The following NCOR2 variants were observed in gnomAD, a reference collection of about 807,000 sequenced individuals.
NCOR2 encodes nuclear receptor corepressor 2, also known as CTG repeat protein 26.
In NCOR2, 81 loss-of-function variants were observed where a neutral mutation model predicts 262.9. That is an observed-to-expected ratio of 0.31 (90% CI 0.26 to 0.37). The LOEUF is 0.37. NCOR2 is among the 10% of genes least tolerant of loss of function. The pLI, the probability that NCOR2 is intolerant of heterozygous loss-of-function variation, is 1.00. For synonymous variants in NCOR2, 1,659 were observed against 1,559.3 expected, an observed-to-expected ratio of 1.06 and a Z score of -1.51; for missense variants, 3,385 against 3,621.4, an observed-to-expected ratio of 0.93 and a Z score of 1.68.
intron 20 of NCOR2, among the ~76,000 whole-genome samples, chr12:124,370,622 G>A (rs562990510): frequency 3.7e-4 from 57 of 152,336 alleles, no homozygotes; most frequent in Admixed American, 2.6e-4. Flanking sequence ...CAGTCTCCGC[G>A]GGTCTGCCCT....
At chr12:124,511,120 T>C (rs1008599707) in intron 1 of NCOR2, among the ~76,000 whole-genome samples, 2 of 152,162 alleles carry the variant, frequency 1.3e-5, no homozygotes, top group Non-Finnish European at 2.9e-5. Flanking sequence ...AAAGACCAGT[T>C]TGCAAACAGA....
chr12:124,434,727 G>A (rs1033332516), intron 8 of NCOR2, among the ~76,000 whole-genome samples: 2 of 152,216 alleles, frequency 1.3e-5, no homozygotes, highest in African/African-American at 4.8e-5. Flanking sequence ...AGGTGAAAAT[G>A]AGAGGATTTC....
At chr12:124,346,763 G>T in exon 31 of NCOR2, 1 of 1,557,536 alleles carries the variant, frequency 6.4e-7, no homozygotes. Flanking sequence ...TGAGGGCGGT[G>T]GGGGCGGAGG....
intron 32 of NCOR2, 76 bp from the exon 35 acceptor site, chr12:124,343,302 C>T (rs745444325): frequency 4.2e-5 from 53 of 1,269,740 alleles, no homozygotes; most frequent in African/African-American, 1.0e-4. Context: ...ATAGGGACCT[C>T]GGGATCCCAA....
chr12:124,373,138 G>C (rs527971492), intron 19 of NCOR2, among the ~76,000 whole-genome samples: 1 of 152,378 alleles, frequency 6.6e-6, no homozygotes, highest in Admixed American at 6.5e-5. Flanking sequence ...CCTGGTGACT[G>C]CCTGCTGCTG....
chr12:124,385,698 C>T lies in NCOR2; in HGVS notation c.2019+47G>A, dbSNP rs762282384. ...ACATCTCCTGAGGCAGTCTGGGCTC[C>T]TCTCCCAGCTTCCCAGAGGCGCGGT... On this transcript the variant is annotated intron_variant, in intron 17 of 46. Coordinates refer to ENST00000405201, the Ensembl canonical transcript of NCOR2. 17 of 1,603,534 alleles carry T rather than the reference C, an allele frequency of 1.1e-5. No individual in the cohort carries two copies. In the South Asian group the frequency reaches 1.6e-4, roughly 15 times the overall value.
At position 124,483,507 on chromosome 12, in the gene NCOR2, T is replaced by C; in HGVS notation, c.411+89A>G. The C allele has an allele frequency of 1.6e-6, 2 of 1,261,274 alleles. No homozygotes were observed. Among genetic ancestry groups the C allele is most frequent in the Non-Finnish European group, 2.1e-6 (2 of 950,938 alleles). 78.1% of individuals were successfully genotyped at this position (1,261,274 alleles called of 1,614,324 possible). A position where few individuals can be genotyped will look rare whatever the true frequency, so the allele number is the denominator to read the frequency against. Reference sequence around the variant, plus strand: ...GCCTTTGCCCGAGCTGCCCCCTCCCTGCACCCCTACCCACCACCTCCCACC... The same window carrying C: ...GCCTTTGCCCGAGCTGCCCCCTCCCCGCACCCCTACCCACCACCTCCCACC... On this transcript the variant is annotated intron_variant, in intron 3 of 46. Coordinates refer to ENST00000405201, the Ensembl canonical transcript of NCOR2. This position sits in a 1 kb window ranked among gnomAD's most constrained non-coding sequence, Gnocchi z 6.3.
At chr12:124,525,899 A>G (rs1260207178) in intron 1 of NCOR2, among the ~76,000 whole-genome samples, 1 of 152,214 alleles carries the variant, frequency 6.6e-6, no homozygotes, top group Non-Finnish European at 1.5e-5. Context: ...AATAGCACCT[A>G]CTTTCTAAGG....
chr12:124,522,310 A>T (rs992097116), intron 1 of NCOR2, among the ~76,000 whole-genome samples: 2 of 152,228 alleles, frequency 1.3e-5, no homozygotes, highest in African/African-American at 4.8e-5. Context: ...GCTATAACAA[A>T]TTATTACAAA....
At chr12:124,524,151 G>C (rs1469222781) in intron 1 of NCOR2, among the ~76,000 whole-genome samples, 1 of 152,232 alleles carries the variant, frequency 6.6e-6, no homozygotes, top group African/African-American at 2.4e-5. Flanking sequence ...GTGACAGCCA[G>C]TTGTGGCCAT....
rs1331177672 is a variant in NCOR2 at position 124,549,330 on chromosome 12, C to T, written c.-164-13719G>A. On this transcript the variant is annotated intron_variant, in intron 1 of 32. Transcript: ENST00000458234. This position sits in a 1 kb window ranked among gnomAD's most constrained non-coding sequence, Gnocchi z 4.4. Reference sequence around the variant, plus strand: ...TAAAATCCCACACTCCCCGCTTGGCCGGGTGGCCCACTGCCCGTCTGGCTT... The same window carrying T: ...TAAAATCCCACACTCCCCGCTTGGCTGGGTGGCCCACTGCCCGTCTGGCTT... 1.3e-5 allele frequency among the ~76,000 whole-genome samples: 2 copies of T among 152,152 alleles called. No homozygotes were observed. Among genetic ancestry groups the T allele is most frequent in the Admixed American group, 1.3e-4 (2 of 15,272 alleles).
At chr12:124,473,923 C>T (rs1001905108) in intron 3 of NCOR2, among the ~76,000 whole-genome samples, 1 of 152,206 alleles carries the variant, frequency 6.6e-6, no homozygotes, top group Non-Finnish European at 1.5e-5. Flanking sequence ...GATCCCATTC[C>T]CATCCCAGCC....
intron 16 of NCOR2, among the ~76,000 whole-genome samples, chr12:124,386,690 C>T (rs1379749878): frequency 1.3e-5 from 2 of 152,184 alleles, no homozygotes; most frequent in Non-Finnish European, 2.9e-5. Context: ...GAGCATGCCG[C>T]CCCCCAGGTT....
intron 38 of NCOR2, chr12:124,336,435 A>T: frequency 7.2e-6 from 2 of 278,118 alleles, no homozygotes; most frequent in Non-Finnish European, 1.3e-5. Context: ...TGGTAAAATG[A>T]TGTGCAAATG....
intron 4 of NCOR2, among the ~76,000 whole-genome samples, chr12:124,466,568 C>T (rs957801818): frequency 1.3e-5 from 2 of 152,144 alleles, no homozygotes; most frequent in African/African-American, 2.4e-5. Flanking sequence ...ACCCTGCTAG[C>T]CCTCAGTTGC....
intron 21 of NCOR2, 28 bp from the exon 24 acceptor site, chr12:124,362,325 TCA>T (rs768447021): frequency 7.5e-7 from 1 of 1,331,876 alleles, no homozygotes; most frequent in South Asian, 2.6e-5. Flanking sequence ...AAGTGAGCAT[TCA>T]CAGAGGGTGT....
chr12:124,372,264 T>C, exon 20 of NCOR2: 1 of 1,578,194 alleles, frequency 6.3e-7, no homozygotes, highest in Non-Finnish European at 8.6e-7. Context: ...CGGCCTTCCC[T>C]GTGTCCACTG....
rs2044979997 is a variant in NCOR2, at chr12:124,443,861, A to C, written c.816-5865T>G. Among the ~76,000 whole-genome samples the C allele has an allele frequency of 6.6e-6, 1 of 152,084 alleles. No homozygotes were observed. The highest frequency in any genetic ancestry group is 1.5e-5 in the Non-Finnish European group (1 of 68,010). ...TGAAAACCAGAGGCTGTTACACAAA[A>C]AGCCAAACCTAAAGCTTCTCTTGAA... On this transcript the variant is annotated intron_variant, in intron 7 of 46. Coordinates refer to ENST00000405201, the Ensembl canonical transcript of NCOR2. The surrounding 1 kb of genome is among the most constrained non-coding windows in gnomAD (Gnocchi z 4.4).
At chr12:124,559,600 G>A (rs370331043) in intron 1 of NCOR2, among the ~76,000 whole-genome samples, 22 of 152,160 alleles carry the variant, frequency 1.4e-4, no homozygotes, top group African/African-American at 1.7e-4. Flanking sequence ...TCCTTTGCTC[G>A]GCTCCTGCCT....
Sources: allele counts gnomAD v4.1 joint callset (sites outside exome capture counted in the v4.1 genomes callset), GRCh38; gene constraint gnomAD v4.1.1; non-coding constraint Gnocchi (gnomAD v3.1); transcripts MANE v1.5; gene names NCBI Gene and HGNC (gene_info 2026-07-23, HGNC 2026-07-21).